Variants in SNX29 observed in about 807,000 individuals in gnomAD.
The protein encoded by SNX29 is sorting nexin 29, also known as sorting nexin-29.
A neutral mutation model predicts 102.1 loss-of-function variants in SNX29; 78 were observed. The observed-to-expected ratio is 0.76, with a 90% confidence interval of 0.64 to 0.92. SNX29 has a LOEUF of 0.92. Ranked by LOEUF, SNX29 falls within the 40% of genes least tolerant of loss-of-function variation. The pLI, the probability that SNX29 is intolerant of heterozygous loss-of-function variation, is 0.00. For synonymous variants in SNX29, 580 were observed against 414.5 expected, an observed-to-expected ratio of 1.40 and a Z score of -4.85; for missense variants, 1,280 against 1,061.7, an observed-to-expected ratio of 1.21 and a Z score of -2.86.
chr16:12,466,889 T>C (rs42270), intron 18 of SNX29, among the ~76,000 whole-genome samples: 37,174 of 152,138 alleles, frequency 0.24, 6,089 homozygotes, highest in African/African-American at 0.46. Flanking sequence ...AGAGGCCATT[T>C]GCATCTTCCT....
At chr16:12,436,007 G>A (rs2085520277) in intron 18 of SNX29, among the ~76,000 whole-genome samples, 1 of 152,206 alleles carries the variant, frequency 6.6e-6, no homozygotes, top group South Asian at 2.1e-4. Context: ...TTTTGGGTCT[G>A]CCTTGCTCCT....
At chr16:12,527,157 T>C (rs746804141) in intron 20 of SNX29, 1 of 519,818 alleles carries the variant, frequency 1.9e-6, no homozygotes, top group South Asian at 1.6e-5. Flanking sequence ...TTCTCCTTCT[T>C]CCTTTTTGAG....
intron 15 of SNX29, among the ~76,000 whole-genome samples, chr16:12,351,365 G>T (rs1437379597): frequency 6.7e-6 from 1 of 149,662 alleles, no homozygotes; most frequent in Admixed American, 6.6e-5. Flanking sequence ...TTTATAAAAC[G>T]TAACAGATTC....
intron 14 of SNX29, among the ~76,000 whole-genome samples, chr16:12,233,472 T>C (rs781461203): frequency 6.6e-6 from 1 of 152,146 alleles, no homozygotes; most frequent in Non-Finnish European, 1.5e-5. Context: ...GTTGAAAAAC[T>C]ACCAGTTGGA....
At chr16:12,494,723 T>C (rs561363040) in intron 19 of SNX29, among the ~76,000 whole-genome samples, 49 of 152,294 alleles carry the variant, frequency 3.2e-4, no homozygotes, top group Admixed American at 1.5e-3. Context: ...GTAATGAGTT[T>C]TGAAGCTTTT....
chr16:12,533,970 G>A (rs1396469357), intron 20 of SNX29, among the ~76,000 whole-genome samples: 1 of 152,246 alleles, frequency 6.6e-6, no homozygotes, highest in Non-Finnish European at 1.5e-5. Flanking sequence ...TAAAACATCT[G>A]TGGGCCACAT....
chr16:12,153,379 G>A lies in SNX29; in HGVS notation c.1595+23621G>A, dbSNP rs7203270. 9.2e-3 allele frequency among the ~76,000 whole-genome samples: 1,403 copies of A among 152,056 alleles called. 14 individuals carry two copies. Among genetic ancestry groups the A allele is most frequent in the Non-Finnish European group, 0.014 (960 of 68,000 alleles). ...GGTACCCACTCTGGATCTCTTGGCC[G>A]GTCTTGTGTACAGTCTGGAGGCCCC... On this transcript the variant is annotated intron_variant, in intron 13 of 20. Coordinates refer to ENST00000566228, the MANE Select transcript of SNX29 (RefSeq NM_032167.5).
intron 11 of SNX29, among the ~76,000 whole-genome samples, chr16:12,084,459 A>C (rs2052062519): frequency 6.6e-6 from 1 of 152,236 alleles, no homozygotes; most frequent in Admixed American, 6.5e-5. Context: ...GAGCAAACTA[A>C]AACACCCATA....
At chr16:12,476,494 G>C (rs1269918087) in intron 18 of SNX29, among the ~76,000 whole-genome samples, 2 of 128,878 alleles carry the variant, frequency 1.6e-5, no homozygotes, top group African/African-American at 2.9e-5. Flanking sequence ...ACATTAGCTT[G>C]AACAAATTAG....
chr16:12,164,252 G>A (rs1596398346), intron 13 of SNX29, among the ~76,000 whole-genome samples: 1 of 152,166 alleles, frequency 6.6e-6, no homozygotes, highest in African/African-American at 2.4e-5. Context: ...AGCAGAATGT[G>A]AGAGGGCAAT....
chr16:12,553,459 C>G (rs565299057), intron 20 of SNX29, among the ~76,000 whole-genome samples: 2 of 152,246 alleles, frequency 1.3e-5, no homozygotes, highest in African/African-American at 4.8e-5. Context: ...TGTAGACCAG[C>G]TCAGACCAGC....
chr16:12,184,251 C>T (rs1024847108), intron 13 of SNX29, among the ~76,000 whole-genome samples: 2 of 152,182 alleles, frequency 1.3e-5, no homozygotes, highest in Admixed American at 1.3e-4. Context: ...CTGATTGTTC[C>T]TAAAGTGTCT....
chr16:12,299,334 C>G (rs1370705143), intron 15 of SNX29, among the ~76,000 whole-genome samples: 5 of 152,152 alleles, frequency 3.3e-5, no homozygotes, highest in Non-Finnish European at 7.3e-5. Flanking sequence ...GTATTTAAGC[C>G]TATTTGATGT....
intron 18 of SNX29, among the ~76,000 whole-genome samples, chr16:12,455,799 A>G (rs1334168528): frequency 2.0e-5 from 3 of 151,518 alleles, no homozygotes; most frequent in African/African-American, 4.9e-5. Flanking sequence ...GATGAGATGT[A>G]GGTGGCCCGG....
chr16:12,085,811 G>T (rs1346578549), intron 11 of SNX29, among the ~76,000 whole-genome samples: 1 of 152,126 alleles, frequency 6.6e-6, no homozygotes. Context: ...AGCCTTCTGA[G>T]GTGTAGGTTA....
intron 15 of SNX29, among the ~76,000 whole-genome samples, chr16:12,312,821 G>C (rs1391630370): frequency 6.6e-6 from 1 of 152,050 alleles, no homozygotes; most frequent in Non-Finnish European, 1.5e-5. Flanking sequence ...ATGTTTTACT[G>C]AGTTCACACT....
intron 8 of SNX29, among the ~76,000 whole-genome samples, chr16:12,059,634 A>G (rs1225930909): frequency 1.3e-5 from 2 of 152,220 alleles, no homozygotes; most frequent in East Asian, 1.9e-4. Flanking sequence ...GGAGCTGGCA[A>G]TCCCTGCCTG....
chr16:12,111,863 C>T (rs1265952533), intron 11 of SNX29, among the ~76,000 whole-genome samples: 7 of 152,074 alleles, frequency 4.6e-5, no homozygotes, highest in East Asian at 3.9e-4. Flanking sequence ...TCCCCAGATC[C>T]GTGTCGCCTG....
rs1157465555 is a variant in SNX29, at chr16:12,569,267, G to A, written c.*638G>A. 8.8e-6 allele frequency: 2 copies of A among 227,724 alleles called. No individual in the cohort carries two copies. Among genetic ancestry groups the A allele is most frequent in the Non-Finnish European group, 1.7e-5 (2 of 114,774 alleles). 14.1% of individuals were successfully genotyped at this position (227,724 alleles called of 1,614,324 possible). ...GAGCCATTAGTGATGTGCAACTTGA[G>A]TTCAGAGAACTTCCCCTACCTCCCC... On this transcript the variant is annotated 3_prime_UTR_variant, in exon 21 of 21. Coordinates refer to ENST00000566228, the MANE Select transcript of SNX29 (RefSeq NM_032167.5).
Sources: allele counts gnomAD v4.1 joint callset (sites outside exome capture counted in the v4.1 genomes callset), GRCh38; gene constraint gnomAD v4.1.1; transcripts MANE v1.5; gene names NCBI Gene and HGNC (gene_info 2026-07-23, HGNC 2026-07-21).